Variants in SCARA3 observed in about 807,000 individuals in gnomAD.
The protein encoded by SCARA3 is scavenger receptor class A member 3.
In SCARA3, 39 loss-of-function variants were observed where a neutral mutation model predicts 47.0. That is an observed-to-expected ratio of 0.83 (90% CI 0.64 to 1.08). The LOEUF (loss-of-function observed/expected upper bound fraction) is 1.08. Among genes scored for constraint, SCARA3 ranks in the 50% least tolerant of loss-of-function variants. SCARA3 has a pLI of 0.00. For missense variants in SCARA3, 724 were observed against 792.3 expected, an observed-to-expected ratio of 0.91 and a Z score of 1.04; for synonymous variants, 356 against 334.1, an observed-to-expected ratio of 1.07 and a Z score of -0.71.
At chr8:27,724,106 A>G in the SCARA3 span, among the ~76,000 whole-genome samples, 6 of 152,236 alleles carry the variant, frequency 3.9e-5, no homozygotes, top group East Asian at 1.9e-4. Flanking sequence ...ATGACTTGCC[A>G]TCAATCACAG....
the SCARA3 span, among the ~76,000 whole-genome samples, chr8:27,715,581 TAGATAGATGA>T: frequency 8.4e-5 from 3 of 35,610 alleles, no homozygotes; most frequent in Admixed American, 5.5e-4. The surrounding 1 kb of genome is among the most constrained non-coding windows in gnomAD (Gnocchi z 4.2). Context: ...ACTTCGCACC[TAGATAGATGA>T]TAGATAGATA....
intron 5 of SCARA3, among the ~76,000 whole-genome samples, chr8:27,668,510 G>T (rs946325975): frequency 6.9e-6 from 1 of 144,598 alleles, no homozygotes; most frequent in Non-Finnish European, 1.5e-5. Context: ...ACTGCAGTCC[G>T]CAGTCCGGCC....
intron 4 of SCARA3, 122 bp from the exon 5 acceptor site, chr8:27,658,373 TG>T: frequency 1.2e-6 from 1 of 849,562 alleles, no homozygotes; most frequent in Non-Finnish European, 1.8e-6. Context: ...ACAGGACTTC[TG>T]GAAGGAAGTT....
At position 27,659,472 on chromosome 8, in the gene SCARA3, C is replaced by T. The variant is rs747112407; in HGVS notation, c.1302C>T (p.Ile434=). 9 of 1,613,852 alleles carry T rather than the reference C, an allele frequency of 5.6e-6. No individual in the cohort carries two copies. Among genetic ancestry groups the T allele is most frequent in the East Asian group, 2.2e-5 (1 of 44,886 alleles). Reference sequence around the variant, plus strand: ...TCAACGTCCGGAACCTCTCCATGATCGTGGAGGAGATGAAGGCAGTGGACA... The same window carrying T: ...TCAACGTCCGGAACCTCTCCATGATTGTGGAGGAGATGAAGGCAGTGGACA... ...LDLNVRNLSM[I]VEEMKAVDTQ... is the part of the protein sequence containing the mutation. The change falls in exon 5 of 6, where the codon ATC becomes ATT. Residue 434 remains isoleucine, a synonymous_variant. Transcript: ENST00000301904.
In SCARA3 at chr8:27,634,106, C is replaced by G; in HGVS notation, c.-95C>G. ...CGGCCGCGGGCGGCGCCTAGGACGG[C>G]GATCCGCGCCCTGGAGGATCCGCCG... is the stretch of plus-strand genomic sequence containing the variant. On this transcript the variant is annotated 5_prime_UTR_variant, in exon 1 of 6. Coordinates refer to ENST00000301904, the MANE Select transcript of SCARA3 (RefSeq NM_016240.3). 8.1e-7 allele frequency: 1 copy of G among 1,231,854 alleles called. No homozygotes were observed. The highest frequency in any genetic ancestry group is 1.1e-6 in the Non-Finnish European group (1 of 947,660). The allele number at this position is 1,231,854 out of a possible 1,614,324, so 76.3% of individuals were successfully genotyped here.
At chr8:27,636,783 G>C (rs779743270) in intron 1 of SCARA3, among the ~76,000 whole-genome samples, 111 of 152,328 alleles carry the variant, frequency 7.3e-4, no homozygotes, top group Non-Finnish European at 1.3e-3. Flanking sequence ...GCGGGGCTGG[G>C]GGCTGACTTC....
chr8:27,643,671 A>G (rs1443559255), intron 1 of SCARA3, among the ~76,000 whole-genome samples: 1 of 152,210 alleles, frequency 6.6e-6, no homozygotes, highest in Admixed American at 6.5e-5. Flanking sequence ...GCTCCAGAGA[A>G]GACTCTGAAA....
At chr8:27,674,651 C>T (rs1189798098), downstream of SCARA3, among the ~76,000 whole-genome samples, 1 of 152,056 alleles carries the variant, frequency 6.6e-6, no homozygotes, top group Non-Finnish European at 1.5e-5. Context: ...CAGCCTTCAC[C>T]ACTGGGGTGA....
chr8:27,716,323 T>TTA, the SCARA3 span, among the ~76,000 whole-genome samples: 1,631 of 149,254 alleles, frequency 0.011, 21 homozygotes, highest in African/African-American at 0.036. Context: ...AAATATCTCT[T>TTA]TATATATATA....
chr8:27,730,404 A>G, the SCARA3 span, among the ~76,000 whole-genome samples: 8 of 151,958 alleles, frequency 5.3e-5, no homozygotes, highest in African/African-American at 1.9e-4. Flanking sequence ...CCTTCCCTGT[A>G]GCTGAGCCAC....
chr8:27,688,063 C>T, the SCARA3 span, among the ~76,000 whole-genome samples: 1 of 152,114 alleles, frequency 6.6e-6, no homozygotes, highest in Non-Finnish European at 1.5e-5. Flanking sequence ...CTGATGGCTT[C>T]TTTAGTCACC....
intron 5 of SCARA3, among the ~76,000 whole-genome samples, chr8:27,665,446 T>C (rs1219778200): frequency 6.6e-6 from 1 of 152,274 alleles, no homozygotes; most frequent in Non-Finnish European, 1.5e-5. Flanking sequence ...TGCTAGACTG[T>C]GTCCATGCTA....
Position 27,672,155 on chromosome 8 carries a change from G to A in SCARA3, c.*804G>A. The A allele has an allele frequency of 3.0e-6, 3 of 985,502 alleles. No homozygotes were observed. The highest frequency in any genetic ancestry group is 3.6e-6 in the Non-Finnish European group (3 of 829,962). The allele number at this position is 985,502 out of a possible 1,614,324, so 61.0% of individuals were successfully genotyped here. On this transcript the variant is annotated 3_prime_UTR_variant, in exon 6 of 6. Coordinates refer to ENST00000301904, the MANE Select transcript of SCARA3 (RefSeq NM_016240.3). ...AGCTGTCCCTGTCTGTCACAGCACA[G>A]TGGGGCCACGAGGCTGACATTCTCT...
At chr8:27,669,045 G>A (rs1004731826) in intron 5 of SCARA3, among the ~76,000 whole-genome samples, 2 of 152,148 alleles carry the variant, frequency 1.3e-5, no homozygotes, top group Admixed American at 6.6e-5. Flanking sequence ...TGGGGATTGT[G>A]AACTTGTCCA....
chr8:27,644,037 C>T (rs930087910), intron 1 of SCARA3, among the ~76,000 whole-genome samples: 3 of 152,052 alleles, frequency 2.0e-5, no homozygotes, highest in Admixed American at 6.5e-5. Context: ...CATGCACCCT[C>T]CATCAAACTT....
At chr8:27,635,009 G>A (rs1197238822) in intron 1 of SCARA3, among the ~76,000 whole-genome samples, 5 of 152,170 alleles carry the variant, frequency 3.3e-5, no homozygotes, top group Non-Finnish European at 1.5e-5. Context: ...GCCATTTCGG[G>A]TGTCTTTCAG....
intron 1 of SCARA3, among the ~76,000 whole-genome samples, chr8:27,643,484 G>A (rs1479430649): frequency 6.6e-6 from 1 of 152,220 alleles, no homozygotes; most frequent in Non-Finnish European, 1.5e-5. Context: ...AAGGACCTGT[G>A]TCTTGAGACC....
intron 5 of SCARA3, among the ~76,000 whole-genome samples, chr8:27,668,628 G>A (rs1053357580): frequency 1.3e-5 from 2 of 151,964 alleles, no homozygotes; most frequent in South Asian, 2.1e-4. Context: ...GGGAGGCCAA[G>A]GCAGAAGAAT....
intron 1 of SCARA3, among the ~76,000 whole-genome samples, chr8:27,637,170 T>G (rs1801271520): frequency 6.6e-6 from 1 of 152,216 alleles, no homozygotes. Context: ...GGGCCCACTC[T>G]GCCAGCCAAG....
Sources: allele counts gnomAD v4.1 joint callset (sites outside exome capture counted in the v4.1 genomes callset), GRCh38; gene constraint gnomAD v4.1.1; non-coding constraint Gnocchi (gnomAD v3.1); transcripts MANE v1.5; gene names NCBI Gene and HGNC (gene_info 2026-07-23, HGNC 2026-07-21).